The following SIDT1 variants were observed in gnomAD, a reference collection of about 807,000 sequenced individuals.
SIDT1 encodes the protein SID1 transmembrane family member 1.
Under a neutral mutation model 107.5 loss-of-function variants are expected in SIDT1, and 101 were observed. The observed-to-expected ratio is 0.94, with a 90% CI of 0.80 to 1.11. The LOEUF is 1.11. Among genes scored for constraint, SIDT1 ranks in the 50% least tolerant of loss-of-function variants. The probability of loss-of-function intolerance (pLI) is 0.00; values close to 1 mark genes in which losing one functional copy is unlikely to be tolerated. For synonymous variants in SIDT1, 395 were observed against 398.2 expected, an observed-to-expected ratio of 0.99 and a Z score of 0.10; for missense variants, 1,076 against 1,058.2, an observed-to-expected ratio of 1.02 and a Z score of -0.23.
intron 2 of SIDT1, among the ~76,000 whole-genome samples, chr3:113,567,126 C>G (rs530944950): frequency 2.0e-5 from 3 of 152,182 alleles, no homozygotes; most frequent in Admixed American, 1.3e-4. Flanking sequence ...GACTGAAATA[C>G]TAACTCTGTT....
At chr3:113,607,813 C>T (rs780283365) in intron 15 of SIDT1, among the ~76,000 whole-genome samples, 42 of 152,158 alleles carry the variant, frequency 2.8e-4, no homozygotes, top group Non-Finnish European at 5.4e-4. Context: ...AGGATTCATA[C>T]TATACAAACG....
intron 10 of SIDT1, among the ~76,000 whole-genome samples, chr3:113,599,316 G>A (rs1944792332): frequency 6.6e-6 from 1 of 152,182 alleles, no homozygotes; most frequent in African/African-American, 2.4e-5. Context: ...GTAATCATTG[G>A]CAGGCAGCAG....
At chr3:113,633,797 A>T (rs1947108032), downstream of SIDT1, among the ~76,000 whole-genome samples, 1 of 152,174 alleles carries the variant, frequency 6.6e-6, no homozygotes, top group South Asian at 2.1e-4. Context: ...GAGGAGGAAA[A>T]ACTTTTGGTG....
At chr3:113,579,839 A>T (rs1202827388) in intron 4 of SIDT1, among the ~76,000 whole-genome samples, 1 of 152,250 alleles carries the variant, frequency 6.6e-6, no homozygotes, top group Non-Finnish European at 1.5e-5. Context: ...ATTATTTGGC[A>T]GAATTCCCCT....
At chr3:113,581,595 A>T in intron 6 of SIDT1, 151 bp downstream of exon 6, 1 of 653,502 alleles carries the variant, frequency 1.5e-6, no homozygotes. Flanking sequence ...ATGTCTGGCC[A>T]GGCGCAGTGG....
intron 10 of SIDT1, among the ~76,000 whole-genome samples, chr3:113,595,641 C>T (rs1036165177): frequency 5.3e-5 from 8 of 151,588 alleles, no homozygotes; most frequent in Non-Finnish European, 8.8e-5. Context: ...TCTTTCCCCA[C>T]ATCCCCCTGT....
intron 20 of SIDT1, among the ~76,000 whole-genome samples, chr3:113,616,432 G>A (rs1946111100): frequency 6.6e-6 from 1 of 152,162 alleles, no homozygotes. Context: ...CTACCCAACT[G>A]TTAAACAGTG....
intron 9 of SIDT1, among the ~76,000 whole-genome samples, chr3:113,588,192 T>C (rs1943879975): frequency 6.6e-6 from 1 of 152,226 alleles, no homozygotes; most frequent in South Asian, 2.1e-4. Flanking sequence ...GGTATAAGGC[T>C]CTATGGAAAC....
In SIDT1 at chr3:113,596,291, G is replaced by T. The variant is rs541829791; in HGVS notation, c.1045+3243G>T. Reference sequence around the variant, plus strand: ...TCAGGTCCCTACAGGTTGCCAAATTGGTGGCAGCTCTGTTGGAGTTAGGAA... The same window carrying T: ...TCAGGTCCCTACAGGTTGCCAAATTTGTGGCAGCTCTGTTGGAGTTAGGAA... On this transcript the variant is annotated intron_variant, in intron 10 of 24. Coordinates refer to ENST00000264852, the MANE Select transcript of SIDT1 (RefSeq NM_017699.3). Among the ~76,000 whole-genome samples the T allele has an allele frequency of 3.3e-5, 5 of 152,310 alleles. No individual in the cohort carries two copies. The East Asian group carries it at 7.7e-4, about 24-fold the overall frequency.
At chr3:113,536,544 T>G (rs373762656) in intron 1 of SIDT1, among the ~76,000 whole-genome samples, 1 of 152,230 alleles carries the variant, frequency 6.6e-6, no homozygotes, top group Non-Finnish European at 1.5e-5. Context: ...AGAAAGTCTA[T>G]TCTAAGTTTA....
Position 113,533,165 on chromosome 3 carries a change from C to T in SIDT1, c.144C>T (p.Phe48=), listed in dbSNP as rs771018339. 23 of 1,579,518 alleles carry T rather than the reference C, an allele frequency of 1.5e-5. No individual in the cohort carries two copies. The highest frequency in any genetic ancestry group is 1.9e-5 in the Non-Finnish European group (22 of 1,164,296). Residue 48 remains phenylalanine (F), a synonymous_variant, in exon 1 of 25, where the codon TTC becomes TTT. Coordinates refer to ENST00000264852, the MANE Select transcript of SIDT1 (RefSeq NM_017699.3). The stretch of plus-strand genomic sequence containing the variant: ...TCGACGCTGCCAGGGGCGCCGATTT[C>T]GATCATGTCTACAGCGGGGTGGTGA... ...DPFDAARGAD[F]DHVYSGVVNL...
intron 3 of SIDT1, among the ~76,000 whole-genome samples, chr3:113,573,418 G>C (rs1019991178): frequency 1.3e-5 from 2 of 152,214 alleles, no homozygotes; most frequent in Non-Finnish European, 2.9e-5. Context: ...TCAAGAACAA[G>C]GCTGTGGGTA....
chr3:113,565,962 G>C (rs1173921749), intron 1 of SIDT1, among the ~76,000 whole-genome samples: 1 of 152,120 alleles, frequency 6.6e-6, no homozygotes, highest in African/African-American at 2.4e-5. Context: ...TTAGATATTT[G>C]TATCTTTAGC....
At chr3:113,586,965 G>T (rs1380669234) in intron 9 of SIDT1, among the ~76,000 whole-genome samples, 1 of 152,126 alleles carries the variant, frequency 6.6e-6, no homozygotes, top group Non-Finnish European at 1.5e-5. Flanking sequence ...CATTACACTA[G>T]CAGAAAAATA....
At chr3:113,597,810 G>GT (rs1560098824) in intron 10 of SIDT1, among the ~76,000 whole-genome samples, 6 of 152,140 alleles carry the variant, frequency 3.9e-5, no homozygotes, top group Admixed American at 3.3e-4. Context: ...ATTCACAATC[G>GT]TAAGTGTCTG....
intron 10 of SIDT1, among the ~76,000 whole-genome samples, chr3:113,595,240 G>T (rs1034520771): frequency 6.6e-6 from 1 of 152,056 alleles, no homozygotes; most frequent in Non-Finnish European, 1.5e-5. Context: ...TCACTTCCGT[G>T]CACTAGATTC....
chr3:113,559,587 G>A (rs1941232177), intron 1 of SIDT1, among the ~76,000 whole-genome samples: 1 of 152,056 alleles, frequency 6.6e-6, no homozygotes, highest in Admixed American at 6.5e-5. Flanking sequence ...GACTACAGGA[G>A]CACGCCACTA....
At chr3:113,567,451 G>A (rs1942022139) in intron 2 of SIDT1, 89 bp from the exon 3 acceptor site, 2 of 1,123,180 alleles carry the variant, frequency 1.8e-6, no homozygotes, top group African/African-American at 3.1e-5. Context: ...TTGGAGAGAA[G>A]CAAAATGAGA....
Position 113,627,751 on chromosome 3 carries a change from G to A in SIDT1, c.*43G>A. ...AGGGGAGGGAGCGATCAATCTTGGTGCTGTTTCACAAAAATTACAGTGACC... is the reference window on the plus strand; with the variant it reads ...AGGGGAGGGAGCGATCAATCTTGGTACTGTTTCACAAAAATTACAGTGACC... On this transcript the variant is annotated 3_prime_UTR_variant, in exon 25 of 25. Transcript: ENST00000264852. 1 of 1,593,538 alleles carries A rather than the reference G, an allele frequency of 6.3e-7. No individual in the cohort carries two copies.
Sources: gnomAD v4.1 joint callset for allele counts (sites outside exome capture counted in the v4.1 genomes callset) on GRCh38, gnomAD v4.1.1 for gene constraint, MANE v1.5 for transcripts, NCBI Gene and HGNC (gene_info 2026-07-23, HGNC 2026-07-21) for gene names.